Variants in MTDH observed in about 807,000 individuals in gnomAD.
The protein encoded by MTDH is metadherin, also known as protein LYRIC.
Under a neutral mutation model 72.7 loss-of-function variants are expected in MTDH, and 34 were observed. The observed-to-expected ratio is 0.47, with a 90% CI of 0.36 to 0.62. MTDH has a LOEUF of 0.62. Among genes scored for constraint, MTDH ranks in the 20% least tolerant of loss-of-function variants. The probability of loss-of-function intolerance (pLI) is 0.00; values close to 1 mark genes in which losing one functional copy is unlikely to be tolerated. For synonymous variants in MTDH, 266 were observed against 268.9 expected (o/e 0.99, Z 0.10); for missense variants, 677 against 699.4 (o/e 0.97, Z 0.36).
At chr8:97,716,386 TAAAAG>T (rs1004104879) in intron 9 of MTDH, among the ~76,000 whole-genome samples, 5 of 142,934 alleles carry the variant, frequency 3.5e-5, no homozygotes, top group Non-Finnish European at 6.1e-5. Flanking sequence ...AACTCCATCT[TAAAAG>T]AAAGAAAAAA....
At chr8:97,651,804 A>T (rs1292984893) in intron 1 of MTDH, among the ~76,000 whole-genome samples, 1 of 152,094 alleles carries the variant, frequency 6.6e-6, no homozygotes, top group African/African-American at 2.4e-5. Context: ...AAACTTTTTA[A>T]AAATTATCTC....
In MTDH at chr8:97,717,607, T is replaced by A. The variant is rs555066442; in HGVS notation, c.1381-1442T>A. Among the ~76,000 whole-genome samples, 621 of 147,824 alleles carry A rather than the reference T, an allele frequency of 4.2e-3. 4 individuals carry two copies. Among genetic ancestry groups the A allele is most frequent in the South Asian group, 0.016 (75 of 4,612 alleles). Reference sequence around the variant, plus strand: ...TTTGTTAGTGGTGATATTCTTTATGTATAATAAATTTTTATCCCCCCCCCC... The same window carrying A: ...TTTGTTAGTGGTGATATTCTTTATGAATAATAAATTTTTATCCCCCCCCCC... On this transcript the variant is annotated intron_variant, in intron 9 of 11. Coordinates refer to ENST00000336273, the MANE Select transcript of MTDH (RefSeq NM_178812.4).
At chr8:97,716,318 G>A (rs1378299895) in intron 9 of MTDH, among the ~76,000 whole-genome samples, 2 of 152,172 alleles carry the variant, frequency 1.3e-5, no homozygotes, top group South Asian at 2.1e-4. Flanking sequence ...CCCGGGAGGC[G>A]GAGGTTGCGG....
At chr8:97,655,511 A>T (rs1811934135) in intron 1 of MTDH, among the ~76,000 whole-genome samples, 1 of 152,248 alleles carries the variant, frequency 6.6e-6, no homozygotes, top group Admixed American at 6.5e-5. Flanking sequence ...AAGAATTTGC[A>T]TCTGGAGCAT....
intron 6 of MTDH, among the ~76,000 whole-genome samples, chr8:97,698,710 A>G (rs1393500919): frequency 6.6e-6 from 1 of 152,244 alleles, no homozygotes; most frequent in South Asian, 2.1e-4. Flanking sequence ...GCTAACTCAG[A>G]CATTTTCTAG....
chr8:97,662,791 A>AG (rs1554574744), intron 2 of MTDH, among the ~76,000 whole-genome samples: 41 of 151,240 alleles, frequency 2.7e-4, no homozygotes, highest in Non-Finnish European at 4.9e-4. Flanking sequence ...GTCAAAAAAA[A>AG]AAAGAAAGAA....
chr8:97,694,654 G>A (rs1813750994), intron 6 of MTDH, among the ~76,000 whole-genome samples: 1 of 152,168 alleles, frequency 6.6e-6, no homozygotes, highest in Admixed American at 6.5e-5. Context: ...GGGCATGGTG[G>A]CTCATGTCTG....
At chr8:97,681,286 G>C (rs1457987582) in intron 2 of MTDH, among the ~76,000 whole-genome samples, 1 of 152,116 alleles carries the variant, frequency 6.6e-6, no homozygotes, top group Non-Finnish European at 1.5e-5. Flanking sequence ...TACCAGTCTT[G>C]TAGGAATCAA....
chr8:97,680,767 A>G (rs1289941007), intron 2 of MTDH, among the ~76,000 whole-genome samples: 1 of 152,224 alleles, frequency 6.6e-6, no homozygotes, highest in Admixed American at 6.5e-5. Flanking sequence ...CGTTAGTTTC[A>G]TGCAGTATCT....
chr8:97,672,850 GTCT>G (rs1812683738), intron 2 of MTDH, among the ~76,000 whole-genome samples: 1 of 152,194 alleles, frequency 6.6e-6, no homozygotes, highest in East Asian at 1.9e-4. Flanking sequence ...TCTTGTAAAT[GTCT>G]TAGGATTGTG....
At chr8:97,672,222 A>G (rs1381579957) in intron 2 of MTDH, among the ~76,000 whole-genome samples, 3 of 152,214 alleles carry the variant, frequency 2.0e-5, no homozygotes, top group Non-Finnish European at 4.4e-5. Context: ...TTACTATAGC[A>G]GTGGAGTTGG....
At chr8:97,708,454 G>C (rs1814460594) in intron 8 of MTDH, among the ~76,000 whole-genome samples, 1 of 133,226 alleles carries the variant, frequency 7.5e-6, no homozygotes, top group Admixed American at 7.8e-5. Flanking sequence ...GCTAATTTTT[G>C]TATTTTTAGT....
chr8:97,729,325 C>G lies in MTDH; in HGVS notation c.*4655C>G. 6.6e-6 allele frequency among the ~76,000 whole-genome samples: 1 copy of G among 152,112 alleles called. No homozygotes were observed. Among genetic ancestry groups the G allele is most frequent in the Non-Finnish European group, 1.5e-5 (1 of 68,014 alleles). The stretch of plus-strand genomic sequence containing the variant: ...TGGTAGAGGGCATTACCTCCCCCAC[C>G]CCCAAGAACACTTCTTGGAAGTTAC... On this transcript the variant is annotated 3_prime_UTR_variant, in exon 12 of 12. Transcript: ENST00000336273.
chr8:97,668,231 G>A (rs1053823911), intron 2 of MTDH, among the ~76,000 whole-genome samples: 11 of 152,062 alleles, frequency 7.2e-5, no homozygotes, highest in Non-Finnish European at 1.0e-4. Flanking sequence ...AGCTTGCAGT[G>A]AGCCCAAATC....
chr8:97,668,117 C>T (rs1339886867), intron 2 of MTDH, among the ~76,000 whole-genome samples: 3 of 151,994 alleles, frequency 2.0e-5, no homozygotes, highest in African/African-American at 7.2e-5. Flanking sequence ...GAAACCCCGT[C>T]TCTACTGAAA....
chr8:97,724,867 T>C lies in MTDH; in HGVS notation c.*197T>C, dbSNP rs1053151650. 8 of 431,792 alleles carry C rather than the reference T, an allele frequency of 1.9e-5. 1 individual carries two copies. The highest frequency in any genetic ancestry group is 1.6e-4 in the African/African-American group (8 of 48,938). 26.7% of individuals were successfully genotyped at this position (431,792 alleles called of 1,614,324 possible). ...AAATTAAGAGGTCAGCAGAATATAC[T>C]CAGTGATGGAAGACACTTGGGAAAG... On this transcript the variant is annotated 3_prime_UTR_variant, in exon 12 of 12. Coordinates refer to ENST00000336273, the MANE Select transcript of MTDH (RefSeq NM_178812.4).
chr8:97,692,386 T>TG (rs566685278), intron 6 of MTDH, among the ~76,000 whole-genome samples: 3 of 152,152 alleles, frequency 2.0e-5, no homozygotes, highest in South Asian at 4.1e-4. Flanking sequence ...TCCTTTTTTT[T>TG]TTGAGATGGA....
intron 6 of MTDH, among the ~76,000 whole-genome samples, chr8:97,695,199 C>A (rs1220160485): frequency 6.6e-6 from 1 of 151,660 alleles, no homozygotes; most frequent in Non-Finnish European, 1.5e-5. Context: ...ACCTCACCTC[C>A]CGGGTCCCAG....
intron 1 of MTDH, among the ~76,000 whole-genome samples, chr8:97,646,145 T>C (rs1452920815): frequency 6.6e-6 from 1 of 152,168 alleles, no homozygotes; most frequent in East Asian, 1.9e-4. Context: ...TTGGAGGAAA[T>C]GGGGTTTGAG....
Sources: gnomAD v4.1 joint callset for allele counts (sites outside exome capture counted in the v4.1 genomes callset) on GRCh38, gnomAD v4.1.1 for gene constraint, MANE v1.5 for transcripts, NCBI Gene and HGNC (gene_info 2026-07-23, HGNC 2026-07-21) for gene names.